The following MPDZ variants were observed in gnomAD, a reference collection of about 807,000 sequenced individuals.
MPDZ encodes the protein multiple PDZ domain protein.
A neutral mutation model predicts 239.1 loss-of-function variants in MPDZ; 234 were observed. The ratio of observed to expected loss-of-function variants is 0.98; its 90% CI spans 0.88 to 1.09. The LOEUF is 1.09. Among genes scored for constraint, MPDZ ranks in the 50% least tolerant of loss-of-function variants. The pLI is 0.00. For missense variants in MPDZ, 3,175 were observed against 2,510.0 expected (o/e 1.26, Z -5.66); for synonymous variants, 1,048 against 881.3 (o/e 1.19, Z -3.35).
chr9:13,115,200 T>C, intron 40 of MPDZ, 48 bp downstream of exon 40: 2 of 1,528,692 alleles, frequency 1.3e-6, no homozygotes, highest in East Asian at 4.5e-5. Flanking sequence ...CTATGTGTCC[T>C]CTTGGCATGC....
At chr9:13,192,411 G>A in intron 14 of MPDZ, 116 bp from the exon 15 acceptor site, 1 of 885,148 alleles carries the variant, frequency 1.1e-6, no homozygotes, top group Non-Finnish European at 1.7e-6. Context: ...AGTTTACTGT[G>A]CTCAGAACTA....
intron 1 of MPDZ, among the ~76,000 whole-genome samples, chr9:13,276,077 G>A (rs2139514056): frequency 6.6e-6 from 1 of 152,212 alleles, no homozygotes. Flanking sequence ...AAACCTTTCT[G>A]TTATTTCTCC....
intron 19 of MPDZ, among the ~76,000 whole-genome samples, chr9:13,180,607 C>A (rs900159759): frequency 1.3e-5 from 2 of 152,062 alleles, no homozygotes; most frequent in African/African-American, 4.8e-5. Context: ...AATTTAAAAA[C>A]CAATTATTTC....
chr9:13,198,961 T>G (rs1031369635), intron 12 of MPDZ, among the ~76,000 whole-genome samples: 2 of 151,988 alleles, frequency 1.3e-5, no homozygotes, highest in East Asian at 3.9e-4. Flanking sequence ...AGGTATGGCA[T>G]TGAATATATA....
At chr9:13,240,656 A>G (rs371632118) in intron 3 of MPDZ, among the ~76,000 whole-genome samples, 9 of 151,492 alleles carry the variant, frequency 5.9e-5, no homozygotes, top group African/African-American at 9.7e-5. Flanking sequence ...AAGTCTATCA[A>G]TGAATAATTG....
intron 2 of MPDZ, among the ~76,000 whole-genome samples, chr9:13,249,130 A>G (rs1049888097): frequency 2.0e-5 from 3 of 151,354 alleles, no homozygotes; most frequent in Non-Finnish European, 4.4e-5. Flanking sequence ...ACACACACAC[A>G]CACACACAAA....
intron 6 of MPDZ, 34 bp from the exon 7 acceptor site, chr9:13,221,534 A>G: frequency 6.3e-7 from 1 of 1,597,312 alleles, no homozygotes; most frequent in Non-Finnish European, 8.5e-7. Flanking sequence ...ATTTGTAGAA[A>G]TTTACAAAGC....
rs189282628 is a variant in MPDZ at position 13,210,880 on chromosome 9, T to C, written c.1291-4781A>G. ...GAGCCCAAGAAGAAACCCTCAGAGA[T>C]AGTCAGTTCTGAACATCTGCCAGGC... On this transcript the variant is annotated intron_variant, in intron 10 of 46. Coordinates refer to ENST00000319217, the MANE Select transcript of MPDZ (RefSeq NM_001378778.1). 1.6e-3 allele frequency among the ~76,000 whole-genome samples: 249 copies of C among 152,226 alleles called. 3 individuals carry two copies. In the Middle Eastern group the frequency reaches 0.027, roughly 17 times the overall value.
At chr9:13,207,024 A>C (rs983870372) in intron 10 of MPDZ, among the ~76,000 whole-genome samples, 7 of 152,076 alleles carry the variant, frequency 4.6e-5, no homozygotes, top group Admixed American at 4.6e-4. Context: ...GGTGATCTCA[A>C]TGCACAGTTA....
rs2134862291 is a variant in MPDZ, at chr9:13,189,011, G to GA, written c.2155-19dup. ...ATTGGATCCTGACAGAAGGCAAAAGGAAAGAGTCAGCTCATTTTACAAAGA... is the reference window on the plus strand; with the variant it reads ...ATTGGATCCTGACAGAAGGCAAAAGGAAAAGAGTCAGCTCATTTTACAAAGA... On this transcript the variant is annotated intron_variant, in intron 16 of 46. Transcript: ENST00000319217. 6.2e-7 allele frequency: 1 copy of GA among 1,602,072 alleles called. No individual in the cohort carries two copies. Among genetic ancestry groups the GA allele is most frequent in the African/African-American group, 1.3e-5 (1 of 74,750 alleles).
At chr9:13,201,988 GT>G (rs1335053117) in intron 12 of MPDZ, among the ~76,000 whole-genome samples, 2 of 151,994 alleles carry the variant, frequency 1.3e-5, no homozygotes, top group African/African-American at 2.4e-5. Flanking sequence ...AGGTTTGTTG[GT>G]TTCTTTTGGT....
intron 3 of MPDZ, among the ~76,000 whole-genome samples, chr9:13,237,413 G>C (rs1047837265): frequency 8.2e-6 from 1 of 122,078 alleles, no homozygotes; most frequent in Non-Finnish European, 1.6e-5. Flanking sequence ...CTCCAGCCCA[G>C]TCTACGTGAC....
At chr9:13,206,960 C>G (rs1355117079) in intron 10 of MPDZ, among the ~76,000 whole-genome samples, 1 of 152,026 alleles carries the variant, frequency 6.6e-6, no homozygotes, top group East Asian at 1.9e-4. Flanking sequence ...TTTACAGATA[C>G]AGGCCACTGT....
chr9:13,211,761 T>A (rs1213302785), intron 10 of MPDZ, among the ~76,000 whole-genome samples: 1 of 152,042 alleles, frequency 6.6e-6, no homozygotes, highest in Non-Finnish European at 1.5e-5. Flanking sequence ...CCCAGGTAAG[T>A]TTTTAAGTAA....
chr9:13,150,813 A>G (rs1587281184), intron 24 of MPDZ, 125 bp from the exon 25 acceptor site: 1 of 590,536 alleles, frequency 1.7e-6, no homozygotes, highest in African/African-American at 1.9e-5. Flanking sequence ...GAAAAAATAG[A>G]TAAAATGTAC....
Position 13,238,940 on chromosome 9 carries a change from T to C in MPDZ, c.183+8695A>G, listed in dbSNP as rs1379126707. Reference sequence around the variant, plus strand: ...TTTACTACTGTGATTTTTAAATAAATAAATATTTAAAACACTTCTGAATTT... The same window carrying C: ...TTTACTACTGTGATTTTTAAATAAACAAATATTTAAAACACTTCTGAATTT... On this transcript the variant is annotated intron_variant, in intron 3 of 46. Transcript: ENST00000319217. Among the ~76,000 whole-genome samples the C allele has an allele frequency of 1.7e-4, 26 of 152,190 alleles. 1 individual carries two copies. The highest frequency in any genetic ancestry group is 2.1e-4 in the Non-Finnish European group (14 of 68,032).
At chr9:13,123,083 C>A in intron 36 of MPDZ, 70 bp downstream of exon 36, 1 of 1,442,676 alleles carries the variant, frequency 6.9e-7, no homozygotes, top group Non-Finnish European at 9.2e-7. Flanking sequence ...TGATAGAAAT[C>A]TCCCCATAAT....
intron 19 of MPDZ, among the ~76,000 whole-genome samples, chr9:13,179,579 T>C (rs1351812707): frequency 1.3e-5 from 2 of 152,140 alleles, no homozygotes; most frequent in Non-Finnish European, 2.9e-5. Context: ...TTAAAAGTCT[T>C]GTGGATCTAA....
chr9:13,212,142 GTTTA>G (rs1032640909), intron 10 of MPDZ, among the ~76,000 whole-genome samples: 11 of 152,082 alleles, frequency 7.2e-5, no homozygotes, highest in African/African-American at 2.4e-4. Context: ...GTATGATTTT[GTTTA>G]TTTAATAACA....
Sources: gnomAD v4.1 joint callset for allele counts (sites outside exome capture counted in the v4.1 genomes callset) on GRCh38, gnomAD v4.1.1 for gene constraint, MANE v1.5 for transcripts, NCBI Gene and HGNC (gene_info 2026-07-23, HGNC 2026-07-21) for gene names.